ZNF333: variants seen among roughly 807,000 people sequenced by gnomAD.
The protein encoded by ZNF333 is zinc finger protein 333.
A neutral mutation model predicts 76.1 loss-of-function variants in ZNF333; 61 were observed. The ratio of observed to expected loss-of-function variants is 0.80; its 90% CI spans 0.65 to 0.99. The LOEUF (loss-of-function observed/expected upper bound fraction) is 0.99, where lower values mean the gene tolerates loss of function less well. Among genes scored for constraint, ZNF333 ranks in the 50% least tolerant of loss-of-function variants. ZNF333 has a pLI of 0.00. For missense variants in ZNF333, 717 were observed against 822.4 expected (o/e 0.87, Z 1.57); for synonymous variants, 284 against 305.0 (o/e 0.93, Z 0.72).
intron 5 of ZNF333, chr19:14,701,995 G>GGGA: frequency 1.3e-6 from 1 of 784,236 alleles, no homozygotes; most frequent in African/African-American, 1.9e-5. Context: ...ACCTGCTGCT[G>GGGA]GGTTGATGGT....
chr19:14,711,530 T>C (rs1157843399), intron 7 of ZNF333, among the ~76,000 whole-genome samples: 1 of 152,018 alleles, frequency 6.6e-6, no homozygotes, highest in Non-Finnish European at 1.5e-5. Context: ...TAGCCAGGCA[T>C]GGTTGTGTGC....
chr19:14,698,747 A>AG, intron 4 of ZNF333, among the ~76,000 whole-genome samples: 1 of 150,054 alleles, frequency 6.7e-6, no homozygotes, highest in East Asian at 2.0e-4. Flanking sequence ...AGGCTGAGGC[A>AG]GAGAATTGCT....
intron 7 of ZNF333, among the ~76,000 whole-genome samples, chr19:14,711,491 G>A (rs2042273948): frequency 6.6e-6 from 1 of 151,926 alleles, no homozygotes. Context: ...GCAACATAGC[G>A]AGACCCCATC....
At chr19:14,704,395 A>G (rs539671947) in intron 5 of ZNF333, among the ~76,000 whole-genome samples, 1 of 152,130 alleles carries the variant, frequency 6.6e-6, no homozygotes, top group Admixed American at 6.5e-5. Context: ...AGTGATTCTC[A>G]TGCTTCAGCC....
Position 14,719,277 on chromosome 19 carries a change from C to T in ZNF333, c.1950C>T (p.Ser650=). ...HVGRETIRNG[S]LPLSMSHPYC... is the part of the protein sequence containing the mutation. ...GAAGAGAGACCATTAGGAATGGCAG[C>T]CTGCCTTTATCCATGTCTCATCCAT... The change falls in exon 12 of 12, where the codon AGC becomes AGT. Residue 650 remains serine (S), a synonymous_variant. Transcript: ENST00000292530. 6.2e-7 allele frequency: 1 copy of T among 1,614,060 alleles called. No individual in the cohort carries two copies. The highest frequency in any genetic ancestry group is 8.5e-7 in the Non-Finnish European group (1 of 1,179,966).
chr19:14,716,389 G>T, intron 9 of ZNF333, 151 bp downstream of exon 9: 1 of 863,024 alleles, frequency 1.2e-6, no homozygotes, highest in Non-Finnish European at 1.7e-6. Context: ...CTCCCGAGTA[G>T]CTGGGACCAC....
Position 14,719,280 on chromosome 19 carries a change from G to A in ZNF333, c.1953G>A (p.Leu651=), listed in dbSNP as rs1568559108. 2 of 1,614,038 alleles carry A rather than the reference G, an allele frequency of 1.2e-6. No individual in the cohort carries two copies. Among genetic ancestry groups the A allele is most frequent in the Non-Finnish European group, 1.7e-6 (2 of 1,179,956 alleles). The part of the protein sequence containing the change: ...VGRETIRNGS[L]PLSMSHPYCG... ...GAGAGACCATTAGGAATGGCAGCCTGCCTTTATCCATGTCTCATCCATACT... is the reference window on the plus strand; with the variant it reads ...GAGAGACCATTAGGAATGGCAGCCTACCTTTATCCATGTCTCATCCATACT... The change falls in exon 12 of 12, where the codon CTG becomes CTA. Residue 651 remains leucine, a synonymous_variant. Transcript: ENST00000292530.
chr19:14,699,016 A>G (rs1319108807), intron 4 of ZNF333, among the ~76,000 whole-genome samples, 183 bp from the exon 5 acceptor site: 1 of 150,852 alleles, frequency 6.6e-6, no homozygotes. Flanking sequence ...TTCAGACTGG[A>G]AATCTCAACT....
intron 10 of ZNF333, 54 bp downstream of exon 10, chr19:14,717,143 C>T: frequency 6.7e-7 from 1 of 1,495,176 alleles, no homozygotes. Flanking sequence ...GGGGAGTGTC[C>T]AGTTTGGAAA....
At chr19:14,703,202 CAAA>C (rs35839207) in intron 5 of ZNF333, among the ~76,000 whole-genome samples, 5 of 73,088 alleles carry the variant, frequency 6.8e-5, no homozygotes, top group Non-Finnish European at 8.0e-5. Flanking sequence ...GACTCCGTCT[CAAA>C]AAAAAAAAAA....
chr19:14,715,370 C>T lies in ZNF333; in HGVS notation c.512-12C>T. 1 of 1,613,314 alleles carries T rather than the reference C, an allele frequency of 6.2e-7. No individual in the cohort carries two copies. Among genetic ancestry groups the T allele is most frequent in the African/African-American group, 1.3e-5 (1 of 75,018 alleles). On this transcript the variant is annotated splice_polypyrimidine_tract_variant and intron_variant, in intron 7 of 11. Coordinates refer to ENST00000292530, the MANE Select transcript of ZNF333 (RefSeq NM_032433.4). ...AGGCACCAACCCTCATGCCTCTTCC[C>T]TTCTCCCCTAGCTGTGCCTGCACGT...
chr19:14,690,857 C>T lies in ZNF333; in HGVS notation c.-42+707C>T, dbSNP rs570980829. Among the ~76,000 whole-genome samples the T allele has an allele frequency of 2.0e-3, 301 of 152,282 alleles. 3 individuals are homozygous for T. The highest frequency in any genetic ancestry group is 7.1e-3 in the African/African-American group (293 of 41,540). ...CCTATAATCCCAGCACTTTGGGAGG[C>T]CGAGGCGGGTGGATCACCTGAGGTC... is the stretch of plus-strand genomic sequence containing the variant. On this transcript the variant is annotated intron_variant, in intron 1 of 11. Transcript: ENST00000292530.
At chr19:14,703,202 CAAAAA>C (rs35839207) in intron 5 of ZNF333, among the ~76,000 whole-genome samples, 1 of 73,076 alleles carries the variant, frequency 1.4e-5, no homozygotes, top group African/African-American at 5.3e-5. Flanking sequence ...GACTCCGTCT[CAAAAA>C]AAAAAAAAAA....
At chr19:14,692,275 T>C (rs972395163) in intron 1 of ZNF333, among the ~76,000 whole-genome samples, 2 of 152,226 alleles carry the variant, frequency 1.3e-5, no homozygotes, top group African/African-American at 4.8e-5. Context: ...TGTTTGAACC[T>C]TCAAGATGAG....
chr19:14,708,590 A>T (rs1487189750), intron 7 of ZNF333: 1 of 375,960 alleles, frequency 2.7e-6, no homozygotes, highest in African/African-American at 2.1e-5. Flanking sequence ...AGCACTGCTG[A>T]TAATGGGCCT....
At chr19:14,723,211 T>C (rs962915721), downstream of ZNF333, among the ~76,000 whole-genome samples, 16 of 152,360 alleles carry the variant, frequency 1.1e-4, no homozygotes, top group Admixed American at 2.0e-4. Flanking sequence ...TTGGCACCCT[T>C]GTCAAAATTC....
chr19:14,727,317 CAA>C (rs1317615513), intron 11 of ZNF333, among the ~76,000 whole-genome samples: 12 of 152,114 alleles, frequency 7.9e-5, no homozygotes, highest in South Asian at 2.1e-4. Context: ...TGTGAGCCAC[CAA>C]GCCCGGCCCA....
chr19:14,717,848 C>A, intron 11 of ZNF333, 115 bp downstream of exon 11: 2 of 1,016,244 alleles, frequency 2.0e-6, no homozygotes, highest in Non-Finnish European at 1.5e-6. Flanking sequence ...GAAGTGTTTA[C>A]CCAGAAGGAA....
intron 6 of ZNF333, chr19:14,705,985 C>T: frequency 2.4e-6 from 1 of 420,852 alleles, no homozygotes. Context: ...TCCCACTCGT[C>T]CCTGCCCTGT....
Sources: allele counts gnomAD v4.1 joint callset (sites outside exome capture counted in the v4.1 genomes callset), GRCh38; gene constraint gnomAD v4.1.1; transcripts MANE v1.5; gene names NCBI Gene and HGNC (gene_info 2026-07-23, HGNC 2026-07-21).